B3GLCT: variants seen among roughly 807,000 people sequenced by gnomAD.
The protein encoded by B3GLCT is beta-1,3-glucosyltransferase.
Under a neutral mutation model 63.4 loss-of-function variants are expected in B3GLCT, and 65 were observed. That is an observed-to-expected ratio of 1.03 (90% CI 0.84 to 1.26). B3GLCT has a LOEUF of 1.26. B3GLCT is among the 50% of genes most tolerant of loss of function. B3GLCT has a pLI of 0.00. For missense variants in B3GLCT, 577 were observed against 604.8 expected (o/e 0.95, Z 0.48); for synonymous variants, 233 against 219.2 (o/e 1.06, Z -0.55).
intron 6 of B3GLCT, among the ~76,000 whole-genome samples, chr13:31,256,062 A>G (rs1469610234): frequency 6.6e-6 from 1 of 152,242 alleles, no homozygotes; most frequent in Non-Finnish European, 1.5e-5. Context: ...AAGGGCTAAT[A>G]TCTAGAATCT....
chr13:31,328,776 A>G (rs1402494697), intron 14 of B3GLCT, among the ~76,000 whole-genome samples: 1 of 150,996 alleles, frequency 6.6e-6, no homozygotes, highest in East Asian at 1.9e-4. Flanking sequence ...ATCTGATTTC[A>G]GTTTCCTTCT....
chr13:31,287,537 T>G (rs1169226486), intron 12 of B3GLCT, among the ~76,000 whole-genome samples: 1 of 152,226 alleles, frequency 6.6e-6, no homozygotes, highest in Non-Finnish European at 1.5e-5. Flanking sequence ...TAGTAGCCTG[T>G]GTCTGAGAAC....
At chr13:31,223,939 C>T (rs184797267) in intron 3 of B3GLCT, among the ~76,000 whole-genome samples, 188 of 152,286 alleles carry the variant, frequency 1.2e-3, no homozygotes, top group African/African-American at 4.4e-3. Flanking sequence ...ATATGCTCTT[C>T]TTGCTTCCTC....
At chr13:31,258,727 T>C (rs974514934) in intron 6 of B3GLCT, among the ~76,000 whole-genome samples, 1 of 152,262 alleles carries the variant, frequency 6.6e-6, no homozygotes, top group Non-Finnish European at 1.5e-5. Flanking sequence ...ATATTCTCTA[T>C]CTTTAATTTT....
At chr13:31,223,111 T>A (rs1028961775) in intron 3 of B3GLCT, 120 bp downstream of exon 3, 92 of 736,364 alleles carry the variant, frequency 1.2e-4, no homozygotes, top group Non-Finnish European at 1.1e-4. Flanking sequence ...TGTTCAAATA[T>A]TCTGTCTTTG....
intron 2 of B3GLCT, among the ~76,000 whole-genome samples, chr13:31,220,817 A>T (rs1869773751): frequency 6.6e-6 from 1 of 152,258 alleles, no homozygotes; most frequent in Admixed American, 6.5e-5. Flanking sequence ...GATTTCACAA[A>T]GATAGCTATC....
At chr13:31,235,673 A>G (rs1402918663) in intron 4 of B3GLCT, among the ~76,000 whole-genome samples, 2 of 152,112 alleles carry the variant, frequency 1.3e-5, no homozygotes, top group Non-Finnish European at 2.9e-5. Context: ...CACCACTGTT[A>G]TTATTTTTTA....
intron 12 of B3GLCT, among the ~76,000 whole-genome samples, chr13:31,299,691 T>A (rs1874131002): frequency 6.6e-6 from 1 of 152,124 alleles, no homozygotes; most frequent in South Asian, 2.1e-4. Context: ...TACCCCCATA[T>A]CCACTAATTT....
Position 31,323,814 on chromosome 13 carries a change from T to TG in B3GLCT, c.1249dup (p.Asp417GlyfsTer5). ...CCAGTAAATGTCGATGCTACAGCAA[T>TG]GATGCTCCCGATGATATGGTCCTGG... On this transcript the variant is annotated frameshift_variant, in exon 14 of 15. Coordinates refer to ENST00000343307, the MANE Select transcript of B3GLCT (RefSeq NM_194318.4). LOFTEE classifies it high-confidence loss of function. 1 of 1,614,164 alleles carries TG rather than the reference T, an allele frequency of 6.2e-7. No homozygotes were observed. Among genetic ancestry groups the TG allele is most frequent in the African/African-American group, 1.3e-5 (1 of 75,044 alleles).
At chr13:31,230,965 G>T (rs752025419) in intron 4 of B3GLCT, among the ~76,000 whole-genome samples, 1 of 152,000 alleles carries the variant, frequency 6.6e-6, no homozygotes. Context: ...CTGAGATCGC[G>T]CCACTGCCCT....
At chr13:31,229,811 A>AT (rs959699989) in intron 4 of B3GLCT, among the ~76,000 whole-genome samples, 37 of 147,970 alleles carry the variant, frequency 2.5e-4, no homozygotes, top group Admixed American at 6.8e-4. Context: ...CATATTCTGA[A>AT]TTTTTTTTTG....
At chr13:31,234,505 G>T (rs1486864088) in intron 4 of B3GLCT, among the ~76,000 whole-genome samples, 1 of 152,182 alleles carries the variant, frequency 6.6e-6, no homozygotes, top group Non-Finnish European at 1.5e-5. Flanking sequence ...CTAGGTTGAG[G>T]CTGAGGTGGG....
At position 31,247,957 on chromosome 13, in the gene B3GLCT, C is replaced by A. The variant is rs141743580; in HGVS notation, c.450C>A (p.Asp150Glu). ...PKLLETLRRY[D>E]PSKEWFLGKA... Reference sequence around the variant, plus strand: ...TCTTGGAAACCCTCAGAAGATATGACCCCTCTAAGGTGAATATAACTTCAA... The same window carrying A: ...TCTTGGAAACCCTCAGAAGATATGAACCCTCTAAGGTGAATATAACTTCAA... Residue 150 changes from aspartate to glutamate, a missense_variant, in exon 6 of 15, where the codon GAC (aspartate) becomes GAA (glutamate). By Grantham distance (45) the Asp-to-Glu change is conservative. Transcript: ENST00000343307. The A allele has an allele frequency of 1.9e-4, 303 of 1,568,228 alleles. 1 individual carries two copies. In the African/African-American group the frequency reaches 3.8e-3, roughly 20 times the overall value.
At chr13:31,314,829 A>G (rs1175272558) in intron 12 of B3GLCT, among the ~76,000 whole-genome samples, 3 of 152,230 alleles carry the variant, frequency 2.0e-5, no homozygotes, top group Admixed American at 2.0e-4. Flanking sequence ...CTCGAATTGT[A>G]TCTGCCAGAA....
Position 31,215,089 on chromosome 13 carries a change from A to G in B3GLCT, c.109A>G (p.Lys37Glu). 6.2e-7 allele frequency: 1 copy of G among 1,611,648 alleles called. No individual in the cohort carries two copies. Among genetic ancestry groups the G allele is most frequent in the Non-Finnish European group, 8.5e-7 (1 of 1,179,742 alleles). ...LASEDTKKEV[K>E]QSQDLEKSGI... ...TTCTGAAGATACAAAGAAAGAGGTCAAGCAGTCTCAGGTACTAATCCCAAT... is the reference window on the plus strand; with the variant it reads ...TTCTGAAGATACAAAGAAAGAGGTCGAGCAGTCTCAGGTACTAATCCCAAT... The change falls in exon 2 of 15, where the codon AAG becomes GAG. Residue 37 changes from lysine to glutamate, a missense_variant. Physicochemically the swap from Lys to Glu is moderately conservative, Grantham distance 56. Coordinates refer to ENST00000343307, the MANE Select transcript of B3GLCT (RefSeq NM_194318.4).
chr13:31,215,107 A>G lies in B3GLCT; in HGVS notation c.120+7A>G. On this transcript the variant is annotated splice_region_variant and intron_variant, in intron 2 of 14. Transcript: ENST00000343307. ...AGAGGTCAAGCAGTCTCAGGTACTA[A>G]TCCCAATGATCAAATCTTTTCCTCC... The G allele has an allele frequency of 6.2e-7, 1 of 1,609,896 alleles. No homozygotes were observed. The highest frequency in any genetic ancestry group is 8.5e-7 in the Non-Finnish European group (1 of 1,178,308).
chr13:31,269,017 A>C (rs558811503), intron 7 of B3GLCT, among the ~76,000 whole-genome samples, 197 bp from the exon 8 acceptor site: 1 of 152,298 alleles, frequency 6.6e-6, no homozygotes, highest in Non-Finnish European at 1.5e-5. Context: ...TACTTTTGCA[A>C]CCAGGCTTGC....
intron 12 of B3GLCT, among the ~76,000 whole-genome samples, chr13:31,310,942 ATGAGCTAAGCAT>A (rs1874672846): frequency 6.6e-6 from 1 of 152,166 alleles, no homozygotes; most frequent in Non-Finnish European, 1.5e-5. Flanking sequence ...GGCCAATAAC[ATGAGCTAAGCAT>A]TGCCTGCCAG....
intron 4 of B3GLCT, among the ~76,000 whole-genome samples, chr13:31,232,656 G>C (rs541285221): frequency 1.3e-5 from 2 of 152,286 alleles, no homozygotes; most frequent in African/African-American, 4.8e-5. Flanking sequence ...TTTGTATATT[G>C]TAGATCCTGT....
Sources: gnomAD v4.1 joint callset for allele counts (sites outside exome capture counted in the v4.1 genomes callset) on GRCh38, gnomAD v4.1.1 for gene constraint, MANE v1.5 for transcripts, NCBI Gene and HGNC (gene_info 2026-07-23, HGNC 2026-07-21) for gene names.